FHIT: variants seen among roughly 807,000 people sequenced by gnomAD.
FHIT encodes fragile histidine triad diadenosine triphosphatase.
FHIT carries 19 observed loss-of-function variants against 17.9 expected under a neutral mutation model. The observed-to-expected ratio is 1.06, with a 90% CI of 0.74 to 1.56. FHIT has a LOEUF of 1.56. FHIT is among the 40% of genes most tolerant of loss of function. FHIT has a pLI of 0.00. For synonymous variants in FHIT, 81 were observed against 69.7 expected (o/e 1.16, Z -0.81); for missense variants, 248 against 189.2 (o/e 1.31, Z -1.82).
Position 59,752,274 on chromosome 3 carries a change from C to G in FHIT, c.396G>C (p.Glu132Asp). 1.2e-6 allele frequency: 2 copies of G among 1,613,302 alleles called. No homozygotes were observed. The highest frequency in any genetic ancestry group is 1.7e-6 in the Non-Finnish European group (2 of 1,179,578). Residue 132 changes from glutamate to aspartate, a missense_variant, in exon 9 of 10, where the codon GAG becomes GAC. Glu to Asp is a conservative substitution (Grantham distance 45, BLOSUM62 2). Transcript: ENST00000492590. ...KEDFPASWRSEEEMAAEAAAL... is the reference protein window; with the variant it reads ...KEDFPASWRSDEEMAAEAAAL... ...CTGCGGCTTCTGCTGCCATTTCCTC[C>G]TCTGATCTCCAAGAGGCAGGAAAGT...
At chr3:59,884,721 C>G (rs950836673) in intron 8 of FHIT, among the ~76,000 whole-genome samples, 1 of 152,174 alleles carries the variant, frequency 6.6e-6, no homozygotes, top group Non-Finnish European at 1.5e-5. Context: ...GGAAAATCCA[C>G]TTTTAGCAGG....
intron 2 of FHIT, among the ~76,000 whole-genome samples, chr3:61,136,996 T>C (rs1459153555): frequency 2.0e-5 from 3 of 152,220 alleles, no homozygotes; most frequent in South Asian, 2.1e-4. Context: ...TTGTTGTTGT[T>C]TCTAAAACTG....
chr3:61,250,160 T>C (rs538674566), intron 1 of FHIT, among the ~76,000 whole-genome samples: 1 of 152,302 alleles, frequency 6.6e-6, no homozygotes, highest in South Asian at 2.1e-4. Flanking sequence ...CATCTCGCCG[T>C]GCAAAATGGC....
chr3:60,693,583 C>G (rs1553699956), intron 4 of FHIT, among the ~76,000 whole-genome samples: 1 of 152,172 alleles, frequency 6.6e-6, no homozygotes, highest in African/African-American at 2.4e-5. Context: ...CATATTAAGT[C>G]TAAGGAGTAG....
chr3:61,153,219 T>C (rs1010719484), intron 2 of FHIT, among the ~76,000 whole-genome samples: 6 of 150,670 alleles, frequency 4.0e-5, no homozygotes, highest in African/African-American at 1.2e-4. Context: ...GAAGAGGAAA[T>C]TGAGAGATAA....
At chr3:60,731,186 T>C (rs1390399120) in intron 4 of FHIT, among the ~76,000 whole-genome samples, 1 of 152,084 alleles carries the variant, frequency 6.6e-6, no homozygotes, top group Admixed American at 6.6e-5. Context: ...AGTACGTTAC[T>C]GGCCGAACAT....
chr3:60,325,262 C>T (rs34717494), intron 5 of FHIT, among the ~76,000 whole-genome samples: 92,541 of 151,896 alleles, frequency 0.61, 28,651 homozygotes, highest in South Asian at 0.71. Context: ...TTTTAAAATG[C>T]CAAAAGATTC....
intron 5 of FHIT, among the ~76,000 whole-genome samples, chr3:60,111,538 T>A (rs1447266088): frequency 1.3e-5 from 2 of 152,230 alleles, no homozygotes; most frequent in African/African-American, 4.8e-5. Flanking sequence ...GGGCTATCTT[T>A]CCTTCAATGG....
intron 8 of FHIT, among the ~76,000 whole-genome samples, chr3:59,754,259 G>C (rs549972443): frequency 3.9e-5 from 6 of 152,170 alleles, no homozygotes; most frequent in Non-Finnish European, 5.9e-5. Context: ...CCGGGCCACA[G>C]ATACATTTAT....
At chr3:60,789,169 T>TAGAGAGAGAG (rs1223357758) in intron 4 of FHIT, among the ~76,000 whole-genome samples, 10 of 124,984 alleles carry the variant, frequency 8.0e-5, no homozygotes, top group African/African-American at 3.2e-4. Flanking sequence ...TATATATATA[T>TAGAGAGAGAG]ATATATAGAG....
chr3:60,081,957 C>A (rs185356008), intron 5 of FHIT, among the ~76,000 whole-genome samples: 1 of 151,802 alleles, frequency 6.6e-6, no homozygotes, highest in Admixed American at 6.6e-5. Context: ...GCATTGTCTA[C>A]TTATCTGTTT....
intron 4 of FHIT, among the ~76,000 whole-genome samples, chr3:60,621,608 A>C (rs1553678653): frequency 6.6e-6 from 1 of 152,154 alleles, no homozygotes. Flanking sequence ...AAGACTCCAG[A>C]AAATACATGT....
chr3:60,109,120 A>C (rs1246073964), intron 5 of FHIT, among the ~76,000 whole-genome samples: 3 of 150,274 alleles, frequency 2.0e-5, no homozygotes, highest in East Asian at 3.9e-4. Context: ...GCTGTAAAAG[A>C]GGGGGACGGG....
At chr3:60,925,526 C>A (rs559817437) in intron 3 of FHIT, among the ~76,000 whole-genome samples, 4 of 152,254 alleles carry the variant, frequency 2.6e-5, no homozygotes, top group South Asian at 2.1e-4. Flanking sequence ...ATTTTGTCAC[C>A]ACCAGGCCTG....
At chr3:60,534,177 C>T (rs2107593791) in intron 5 of FHIT, among the ~76,000 whole-genome samples, 1 of 151,420 alleles carries the variant, frequency 6.6e-6, no homozygotes, top group African/African-American at 2.4e-5. Flanking sequence ...CCTGTAATCC[C>T]AGCACTTTGG....
intron 5 of FHIT, among the ~76,000 whole-genome samples, chr3:60,234,242 T>C (rs1366138463): frequency 2.6e-5 from 4 of 152,162 alleles, no homozygotes; most frequent in African/African-American, 9.7e-5. Context: ...ATTAATGCCT[T>C]GGAAAGTGAA....
At chr3:59,781,638 AG>A (rs1300697362) in intron 8 of FHIT, among the ~76,000 whole-genome samples, 1 of 152,226 alleles carries the variant, frequency 6.6e-6, no homozygotes, top group African/African-American at 2.4e-5. Flanking sequence ...AGATGGCAAA[AG>A]TTATGGATTT....
intron 5 of FHIT, among the ~76,000 whole-genome samples, chr3:60,163,338 G>A (rs940020026): frequency 2.0e-5 from 3 of 151,926 alleles, no homozygotes; most frequent in African/African-American, 4.8e-5. Context: ...ACCCACACGC[G>A]TGTTCTTGAA....
chr3:60,050,018 T>C (rs553396083), intron 5 of FHIT, among the ~76,000 whole-genome samples: 33 of 152,300 alleles, frequency 2.2e-4, no homozygotes, highest in African/African-American at 7.9e-4. Flanking sequence ...CTTATTTAAA[T>C]ATTCATGTCT....
Sources: allele counts gnomAD v4.1 joint callset (sites outside exome capture counted in the v4.1 genomes callset), GRCh38; gene constraint gnomAD v4.1.1; transcripts MANE v1.5; gene names NCBI Gene and HGNC (gene_info 2026-07-23, HGNC 2026-07-21).